The following CMSS1 variants were observed in gnomAD, a reference collection of about 807,000 sequenced individuals.
CMSS1 encodes the protein cms1 ribosomal small subunit homolog, also known as protein CMSS1.
In CMSS1, 33 loss-of-function variants were observed where a neutral mutation model predicts 43.5. The observed-to-expected ratio is 0.76, with a 90% CI of 0.57 to 1.01. The LOEUF is 1.01. Ranked by LOEUF, CMSS1 falls within the 50% of genes least tolerant of loss-of-function variation. The pLI is 0.00. For synonymous variants in CMSS1, 115 were observed against 117.2 expected (o/e 0.98, Z 0.12); for missense variants, 313 against 326.4 (o/e 0.96, Z 0.32).
intron 1 of CMSS1, among the ~76,000 whole-genome samples, chr3:99,923,348 A>C (rs958493452): frequency 9.2e-5 from 14 of 152,094 alleles, no homozygotes; most frequent in Admixed American, 4.6e-4. Flanking sequence ...CATACTCAAC[A>C]TGTCTAAACC....
At chr3:100,148,061 A>C (rs1193225943) in intron 2 of CMSS1, among the ~76,000 whole-genome samples, 1 of 152,128 alleles carries the variant, frequency 6.6e-6, no homozygotes, top group Non-Finnish European at 1.5e-5. Flanking sequence ...CAACCTAATA[A>C]ATCTATGTGA....
intron 1 of CMSS1, chr3:99,848,069 G>A: frequency 2.3e-6 from 3 of 1,310,030 alleles, no homozygotes; most frequent in Non-Finnish European, 2.9e-6. Context: ...TTCCATACAA[G>A]TATGTAAATG....
chr3:99,887,101 A>G (rs1022511607), intron 1 of CMSS1, among the ~76,000 whole-genome samples: 3 of 151,232 alleles, frequency 2.0e-5, no homozygotes, highest in Non-Finnish European at 2.9e-5. Flanking sequence ...GAGAAACCCC[A>G]TCTCTACTAA....
chr3:99,845,225 G>T (rs1433263887), intron 1 of CMSS1, among the ~76,000 whole-genome samples: 1 of 152,160 alleles, frequency 6.6e-6, no homozygotes, highest in Non-Finnish European at 1.5e-5. Flanking sequence ...TTTTGTCAGT[G>T]CCCCTAGAGA....
At chr3:99,922,407 A>G (rs950908348) in intron 1 of CMSS1, among the ~76,000 whole-genome samples, 2 of 152,196 alleles carry the variant, frequency 1.3e-5, no homozygotes, top group Non-Finnish European at 2.9e-5. Flanking sequence ...AGAGTTCATG[A>G]GGAGCAAGTT....
intron 1 of CMSS1, among the ~76,000 whole-genome samples, chr3:99,885,199 T>C (rs1190934008): frequency 6.6e-6 from 1 of 152,232 alleles, no homozygotes; most frequent in Admixed American, 6.5e-5. Context: ...CAGCCTTCAG[T>C]TACCATTGAG....
chr3:99,995,732 C>T (rs1474537983), intron 1 of CMSS1, among the ~76,000 whole-genome samples: 3 of 152,234 alleles, frequency 2.0e-5, no homozygotes, highest in Non-Finnish European at 4.4e-5. Context: ...ACAGGTTCAA[C>T]ACCACGTGGA....
At chr3:100,047,830 G>GA (rs933079847) in intron 1 of CMSS1, among the ~76,000 whole-genome samples, 31 of 147,020 alleles carry the variant, frequency 2.1e-4, no homozygotes, top group African/African-American at 6.5e-4. Flanking sequence ...GAAGGCATTT[G>GA]AAAAAAAAAA....
At chr3:99,871,757 T>C (rs980623329) in intron 1 of CMSS1, among the ~76,000 whole-genome samples, 2 of 152,200 alleles carry the variant, frequency 1.3e-5, no homozygotes, top group Non-Finnish European at 2.9e-5. Flanking sequence ...GACCCAAATG[T>C]CTTTGACCAC....
chr3:99,849,490 T>A (rs1284116274), intron 1 of CMSS1: 1 of 1,613,462 alleles, frequency 6.2e-7, no homozygotes, highest in East Asian at 2.2e-5. Context: ...AGTTGCCATG[T>A]ATTCATGAAT....
chr3:99,982,670 T>C (rs1709162336), intron 1 of CMSS1, among the ~76,000 whole-genome samples: 2 of 152,174 alleles, frequency 1.3e-5, no homozygotes, highest in African/African-American at 4.8e-5. Context: ...TTAAAGTATT[T>C]TTGAATCACT....
At chr3:99,982,478 C>CCT (rs1370142514) in intron 1 of CMSS1, among the ~76,000 whole-genome samples, 2 of 152,022 alleles carry the variant, frequency 1.3e-5, no homozygotes, top group Admixed American at 1.3e-4. Context: ...ATGGCTGGGA[C>CCT]TACAGGCACA....
At chr3:100,038,183 T>C (rs892356539) in intron 1 of CMSS1, among the ~76,000 whole-genome samples, 2 of 152,176 alleles carry the variant, frequency 1.3e-5, no homozygotes, top group African/African-American at 4.8e-5. Context: ...CTTGAACTCC[T>C]GACTTCAGGT....
At chr3:99,819,862 C>T (rs1421286413) in intron 1 of CMSS1, among the ~76,000 whole-genome samples, 1 of 150,956 alleles carries the variant, frequency 6.6e-6, no homozygotes, top group Non-Finnish European at 1.5e-5. Flanking sequence ...TCAAGCGATT[C>T]TCCTGCCTCA....
intron 1 of CMSS1, among the ~76,000 whole-genome samples, chr3:99,996,103 T>C (rs1430727209): frequency 6.6e-6 from 1 of 152,220 alleles, no homozygotes; most frequent in African/African-American, 2.4e-5. Context: ...CAAAATTTTA[T>C]GCTCTGCTTC....
At position 100,145,222 on chromosome 3, in the gene CMSS1, C is replaced by T. The variant is rs373821962; in HGVS notation, c.65-1751C>T. On this transcript the variant is annotated intron_variant, in intron 1 of 9. Transcript: ENST00000421999. ...TTGAGAGGCCGAGGCAGGCGGATCA[C>T]CTGAGGTCAGGAGTTCAAAACCAGC... is the stretch of plus-strand genomic sequence containing the variant. Among the ~76,000 whole-genome samples the T allele has an allele frequency of 2.6e-5, 4 of 152,060 alleles. No homozygotes were observed. The East Asian group carries it at 5.8e-4, about 22-fold the overall frequency.
Position 99,867,157 on chromosome 3 carries a change from A to G in CMSS1, c.64+49114A>G, listed in dbSNP as rs780224718. On this transcript the variant is annotated intron_variant, in intron 1 of 9. Transcript: ENST00000421999. ...TCAAAATATGACAGTGGTCAACAGC[A>G]TATCTGCTAGAGGTGAGAGCAATGA... 7.9e-5 allele frequency among the ~76,000 whole-genome samples: 12 copies of G among 152,330 alleles called. No individual in the cohort carries two copies. The South Asian group carries it at 8.3e-4, about 11-fold the overall frequency.
At chr3:99,970,745 C>T (rs527882051) in intron 1 of CMSS1, among the ~76,000 whole-genome samples, 4 of 152,170 alleles carry the variant, frequency 2.6e-5, no homozygotes, top group Admixed American at 6.5e-5. Flanking sequence ...GAGCGTGCTA[C>T]GATAGACCTC....
chr3:99,834,389 G>C (rs1461915347), intron 1 of CMSS1, among the ~76,000 whole-genome samples: 2 of 152,170 alleles, frequency 1.3e-5, no homozygotes, highest in African/African-American at 2.4e-5. Flanking sequence ...ATGTATCATG[G>C]TTTGTGGTTG....
Sources: gnomAD v4.1 joint callset for allele counts (sites outside exome capture counted in the v4.1 genomes callset) on GRCh38, gnomAD v4.1.1 for gene constraint, MANE v1.5 for transcripts, NCBI Gene and HGNC (gene_info 2026-07-23, HGNC 2026-07-21) for gene names.